CEP112: variants seen among roughly 807,000 people sequenced by gnomAD.
The protein encoded by CEP112 is centrosomal protein of 112 kDa.
A neutral mutation model predicts 153.0 loss-of-function variants in CEP112; 127 were observed. That is an observed-to-expected ratio of 0.83 (90% confidence interval 0.72 to 0.96). The LOEUF (loss-of-function observed/expected upper bound fraction) is 0.96, where lower values mean the gene tolerates loss of function less well. CEP112 is among the 40% of genes least tolerant of loss of function. The probability of loss-of-function intolerance (pLI) is 0.00; values close to 1 mark genes in which losing one functional copy is unlikely to be tolerated. For missense variants in CEP112, 1,089 were observed against 1,101.2 expected, an observed-to-expected ratio of 0.99 and a Z score of 0.16; for synonymous variants, 358 against 374.4, an observed-to-expected ratio of 0.96 and a Z score of 0.51.
chr17:65,782,882 G>T (rs991529768), intron 21 of CEP112, among the ~76,000 whole-genome samples: 1 of 151,780 alleles, frequency 6.6e-6, no homozygotes, highest in Non-Finnish European at 1.5e-5. Context: ...GTAACTGGGT[G>T]ACAGGATCAT....
chr17:65,703,814 C>CAAA (rs5821580), intron 23 of CEP112, among the ~76,000 whole-genome samples: 1 of 143,922 alleles, frequency 6.9e-6, no homozygotes, highest in South Asian at 2.3e-4. Context: ...TTAAAATGTA[C>CAAA]AAAAAAAAAA....
Position 65,851,898 on chromosome 17 carries a change from T to C in CEP112, c.2300A>G (p.Glu767Gly), listed in dbSNP as rs1306381972. 1 of 1,614,204 alleles carries C rather than the reference T, an allele frequency of 6.2e-7. No homozygotes were observed. The highest frequency in any genetic ancestry group is 2.2e-5 in the East Asian group (1 of 44,876). ...EEKQRATREH[E>G]IVVNKLKAES... ...AGCCTTCAGTTTATTGACGACAATCTCATGTTCCCTTGTAGCCCTTTGCTT... is the reference window on the plus strand; with the variant it reads ...AGCCTTCAGTTTATTGACGACAATCCCATGTTCCCTTGTAGCCCTTTGCTT... Residue 767 changes from glutamate (E) to glycine (G), a missense_variant, in exon 21 of 27, where the codon GAG becomes GGG. Coordinates refer to ENST00000535342, the MANE Select transcript of CEP112 (RefSeq NM_001199165.4).
At chr17:65,984,753 G>A (rs1204057098) in intron 17 of CEP112, among the ~76,000 whole-genome samples, 2 of 152,148 alleles carry the variant, frequency 1.3e-5, no homozygotes, top group African/African-American at 4.8e-5. Context: ...CCAAGGCCAA[G>A]ATACACATTT....
At chr17:65,888,403 C>G (rs929504764) in intron 20 of CEP112, among the ~76,000 whole-genome samples, 1 of 152,000 alleles carries the variant, frequency 6.6e-6, no homozygotes, top group Non-Finnish European at 1.5e-5. Context: ...TTTTGTATAC[C>G]TCCTCTTAGC....
At chr17:65,771,091 C>G (rs772823330) in intron 21 of CEP112, among the ~76,000 whole-genome samples, 2 of 151,868 alleles carry the variant, frequency 1.3e-5, no homozygotes, top group African/African-American at 2.4e-5. Context: ...AAGCTTATCA[C>G]TGTGTTTTTA....
At chr17:65,883,743 T>A (rs548477985) in intron 20 of CEP112, among the ~76,000 whole-genome samples, 11 of 152,270 alleles carry the variant, frequency 7.2e-5, no homozygotes, top group Admixed American at 6.5e-4. Flanking sequence ...AATGTACATT[T>A]TGAAAAAGAT....
intron 23 of CEP112, among the ~76,000 whole-genome samples, chr17:65,728,813 C>G (rs2050330908): frequency 6.6e-6 from 1 of 152,154 alleles, no homozygotes; most frequent in African/African-American, 2.4e-5. Flanking sequence ...ACTTGTGAGT[C>G]AGTGAGTGAG....
chr17:66,035,008 A>ATATATATATTT (rs1454121288), intron 12 of CEP112, among the ~76,000 whole-genome samples: 2 of 72,372 alleles, frequency 2.8e-5, no homozygotes, highest in South Asian at 8.2e-4. Flanking sequence ...ATATATATAT[A>ATATATATATTT]TTTTTTTTTT....
intron 21 of CEP112, among the ~76,000 whole-genome samples, chr17:65,796,675 T>C (rs1347284441): frequency 6.6e-6 from 1 of 152,032 alleles, no homozygotes; most frequent in Admixed American, 6.6e-5. Flanking sequence ...AAATATCAGT[T>C]AAAGTCGAAT....
At position 65,835,112 on chromosome 17, in the gene CEP112, G is replaced by A. The variant is rs746921086; in HGVS notation, c.2394+16692C>T. 3.4e-4 allele frequency among the ~76,000 whole-genome samples: 51 copies of A among 150,830 alleles called. 1 individual carries two copies. The highest frequency in any genetic ancestry group is 2.8e-3 in the Admixed American group (42 of 15,116). On this transcript the variant is annotated intron_variant, in intron 21 of 26. Transcript: ENST00000535342. Reference sequence around the variant, plus strand: ...CAGGAACAGAAAACCAAAGACCACAGGTTCTCACTTGTAAGTAGTAGCTAA... The same window carrying A: ...CAGGAACAGAAAACCAAAGACCACAAGTTCTCACTTGTAAGTAGTAGCTAA...
chr17:65,656,860 T>G (rs1169007701), intron 24 of CEP112, among the ~76,000 whole-genome samples: 1 of 152,186 alleles, frequency 6.6e-6, no homozygotes, highest in Non-Finnish European at 1.5e-5. Context: ...CTTACAACCT[T>G]TGGTGTTAAG....
At chr17:66,190,532 C>A (rs2073124371) in intron 1 of CEP112, among the ~76,000 whole-genome samples, 1 of 151,706 alleles carries the variant, frequency 6.6e-6, no homozygotes, top group Admixed American at 6.6e-5. Flanking sequence ...CAAAGGTAAC[C>A]CAGGTGACGG....
At chr17:65,744,491 C>T (rs945846307) in intron 22 of CEP112, among the ~76,000 whole-genome samples, 26 of 152,254 alleles carry the variant, frequency 1.7e-4, no homozygotes, top group African/African-American at 5.5e-4. Flanking sequence ...GTGATCTGCC[C>T]GCCTTGGCCT....
intron 8 of CEP112, among the ~76,000 whole-genome samples, chr17:66,088,116 A>C (rs2068008823): frequency 6.6e-6 from 1 of 151,874 alleles, no homozygotes; most frequent in Admixed American, 6.6e-5. Context: ...CAGCAGCCTA[A>C]ACTTCAGCTC....
At chr17:66,145,235 G>C (rs748947914) in intron 4 of CEP112, among the ~76,000 whole-genome samples, 7 of 152,022 alleles carry the variant, frequency 4.6e-5, no homozygotes, top group Non-Finnish European at 8.8e-5. Context: ...ACATTAACTG[G>C]ATTGTGTGCT....
intron 17 of CEP112, among the ~76,000 whole-genome samples, chr17:65,985,883 A>G (rs571174969): frequency 9.3e-5 from 14 of 150,996 alleles, no homozygotes; most frequent in African/African-American, 3.4e-4. Context: ...GTTTCAAAGT[A>G]ATGGAAAGGT....
At chr17:65,854,463 T>C (rs896197226) in intron 20 of CEP112, among the ~76,000 whole-genome samples, 1 of 152,230 alleles carries the variant, frequency 6.6e-6, no homozygotes, top group South Asian at 2.1e-4. Flanking sequence ...CTGTGGCCTC[T>C]CTACACTAGA....
chr17:65,726,406 G>A (rs569629261), intron 23 of CEP112, among the ~76,000 whole-genome samples: 10 of 152,090 alleles, frequency 6.6e-5, no homozygotes, highest in Non-Finnish European at 1.5e-4. Context: ...TGAGGACTGG[G>A]GCAATCAGCA....
At chr17:65,753,605 GA>G (rs2052026863) in intron 21 of CEP112, among the ~76,000 whole-genome samples, 1 of 152,080 alleles carries the variant, frequency 6.6e-6, no homozygotes, top group South Asian at 2.1e-4. Context: ...CTCTCCACCA[GA>G]ATTAGGGCTA....
Sources: gnomAD v4.1 joint callset for allele counts (sites outside exome capture counted in the v4.1 genomes callset) on GRCh38, gnomAD v4.1.1 for gene constraint, MANE v1.5 for transcripts, NCBI Gene and HGNC (gene_info 2026-07-23, HGNC 2026-07-21) for gene names.